The following BBX variants were observed in gnomAD, a reference collection of about 807,000 sequenced individuals.
BBX encodes HMG box transcription factor BBX.
A neutral mutation model predicts 100.2 loss-of-function variants in BBX; 30 were observed. The observed-to-expected ratio is 0.30, with a 90% CI of 0.22 to 0.41. The LOEUF is 0.41. Among genes scored for constraint, BBX ranks in the 10% least tolerant of loss-of-function variants. The probability of loss-of-function intolerance (pLI) is 1.00; values close to 1 mark genes in which losing one functional copy is unlikely to be tolerated. For missense variants in BBX, 1,023 were observed against 1,129.8 expected (o/e 0.91, Z 1.35); for synonymous variants, 376 against 388.1 (o/e 0.97, Z 0.37).
chr3:107,615,398 G>A (rs567063632), intron 2 of BBX, among the ~76,000 whole-genome samples: 1 of 152,204 alleles, frequency 6.6e-6, no homozygotes, highest in South Asian at 2.1e-4. Context: ...CATACTTCTG[G>A]AGGCTCAGAA....
At chr3:107,781,442 A>G (rs1338673357) in intron 13 of BBX, among the ~76,000 whole-genome samples, 6 of 152,136 alleles carry the variant, frequency 3.9e-5, no homozygotes, top group Non-Finnish European at 7.4e-5. Context: ...GTAAATTCTA[A>G]TCTAACTCAC....
chr3:107,753,432 A>G (rs902394540), intron 9 of BBX, among the ~76,000 whole-genome samples: 29 of 152,206 alleles, frequency 1.9e-4, no homozygotes, highest in African/African-American at 7.0e-4. Flanking sequence ...TCAGGCTTCC[A>G]GCAACCTTGA....
intron 13 of BBX, 126 bp downstream of exon 13, chr3:107,778,645 A>G: frequency 9.2e-7 from 1 of 1,081,324 alleles, no homozygotes; most frequent in South Asian, 1.6e-5. Flanking sequence ...TTAGAATCTT[A>G]GGTTGCTTTC....
rs1331155923 is a variant in BBX, at chr3:107,606,517, C to T, written c.-83-39319C>T. 2.0e-5 allele frequency among the ~76,000 whole-genome samples: 3 copies of T among 152,262 alleles called. No individual in the cohort carries two copies. The East Asian group carries it at 5.8e-4, about 29-fold the overall frequency. On this transcript the variant is annotated intron_variant, in intron 2 of 17. Transcript: ENST00000325805. ...CATAATAATACCATGTGATGCGACA[C>T]TTTTGAAACATCCTTGGTTTCTCTA...
At chr3:107,675,912 C>T (rs113418522) in intron 3 of BBX, among the ~76,000 whole-genome samples, 7 of 152,276 alleles carry the variant, frequency 4.6e-5, no homozygotes, top group African/African-American at 1.4e-4. Flanking sequence ...AAGAGTAGCT[C>T]TTTAAACTAT....
chr3:107,777,532 G>C (rs1032128233), intron 12 of BBX, among the ~76,000 whole-genome samples: 1 of 152,100 alleles, frequency 6.6e-6, no homozygotes, highest in Admixed American at 6.6e-5. Flanking sequence ...TCTTCCATCT[G>C]TCTAGGTTGC....
intron 2 of BBX, chr3:107,638,524 C>A (rs1437857881): frequency 6.6e-6 from 1 of 152,048 alleles, no homozygotes; most frequent in Non-Finnish European, 1.5e-5. Flanking sequence ...AATTAATATA[C>A]CTGGAACAAT....
Position 107,728,814 on chromosome 3 carries a change from C to A in BBX, c.455C>A (p.Thr152Asn). Residue 152 changes from threonine to asparagine, a missense_variant, in exon 6 of 18, where the codon ACC (threonine) becomes AAC (asparagine). Thr to Asn is a moderately conservative substitution (Grantham distance 65). This residue lies in a region of BBX where 229 missense variants were observed against 226.3 expected (regional missense o/e 1.01). Transcript: ENST00000325805. Reference sequence around the variant, plus strand: ...AATCCTGGCTACAAATGGTGTCCTACCACAAACAAGCCTGTGAAATCCCCA... The same window carrying A: ...AATCCTGGCTACAAATGGTGTCCTAACACAAACAAGCCTGTGAAATCCCCA... ...KANPGYKWCP[T>N]TNKPVKSPTP... is the part of the protein sequence containing the mutation. The A allele has an allele frequency of 6.2e-7, 1 of 1,613,806 alleles. No homozygotes were observed. The highest frequency in any genetic ancestry group is 1.1e-5 in the South Asian group (1 of 91,068).
intron 2 of BBX, among the ~76,000 whole-genome samples, chr3:107,607,547 A>G (rs1255574922): frequency 6.6e-6 from 1 of 151,992 alleles, no homozygotes; most frequent in African/African-American, 2.4e-5. Context: ...TGACATATTG[A>G]TTTGCTTTCT....
intron 2 of BBX, among the ~76,000 whole-genome samples, chr3:107,527,760 G>A (rs1282821011): frequency 6.6e-6 from 1 of 152,132 alleles, no homozygotes; most frequent in Non-Finnish European, 1.5e-5. Flanking sequence ...AAATGAGAAG[G>A]TTCTATAAGT....
intron 3 of BBX, among the ~76,000 whole-genome samples, chr3:107,705,029 A>AAG (rs940167443): frequency 1.3e-5 from 2 of 152,172 alleles, no homozygotes; most frequent in Admixed American, 1.3e-4. Flanking sequence ...GACCCCTTGA[A>AAG]AGACTGAAAG....
chr3:107,708,191 A>T (rs2061495512), intron 3 of BBX, among the ~76,000 whole-genome samples: 1 of 152,136 alleles, frequency 6.6e-6, no homozygotes, highest in African/African-American at 2.4e-5. Flanking sequence ...TTCACAAGAA[A>T]TCTTCTCTTA....
chr3:107,693,237 C>T lies in BBX; in HGVS notation c.-9-17215C>T, dbSNP rs144006013. ...ATTTGACAATTTTGGCTTTTGTTGC[C>T]ATTGCTGTTGGTGTTTTAGACATGA... On this transcript the variant is annotated intron_variant, in intron 3 of 17. Transcript: ENST00000325805. Among the ~76,000 whole-genome samples, 164 of 151,802 alleles carry T rather than the reference C, an allele frequency of 1.1e-3. 2 individuals carry two copies. The East Asian group carries it at 0.031, about 28-fold the overall frequency.
chr3:107,585,692 G>GT (rs1393043038), intron 2 of BBX, among the ~76,000 whole-genome samples: 2 of 151,988 alleles, frequency 1.3e-5, no homozygotes, highest in Admixed American at 1.3e-4. Flanking sequence ...TAATGATGCT[G>GT]TATTGGCATA....
intron 7 of BBX, among the ~76,000 whole-genome samples, chr3:107,736,173 C>T (rs2063621301): frequency 6.6e-6 from 1 of 151,920 alleles, no homozygotes; most frequent in African/African-American, 2.4e-5. Flanking sequence ...CTAAGCATGT[C>T]CCTACTGAGA....
chr3:107,603,014 A>C (rs2054168109), intron 2 of BBX, among the ~76,000 whole-genome samples: 1 of 152,146 alleles, frequency 6.6e-6, no homozygotes, highest in Non-Finnish European at 1.5e-5. Context: ...TTCAGGCTGG[A>C]GTGCAGTGGC....
intron 2 of BBX, among the ~76,000 whole-genome samples, chr3:107,616,023 TTTTTTTTTTTTTTTTTTTTG>T: frequency 7.5e-6 from 1 of 133,906 alleles, no homozygotes. Context: ...TTTTTTTTTT[TTTTTTTTTTTTTTTTTTTTG>T]CTGTTGTTGT....
At chr3:107,584,044 A>G (rs1207759771) in intron 2 of BBX, among the ~76,000 whole-genome samples, 1 of 46,096 alleles carries the variant, frequency 2.2e-5, no homozygotes, top group African/African-American at 1.0e-4. Context: ...AATTATATAT[A>G]TTATATATAT....
chr3:107,778,297 A>G (rs2067492500), intron 12 of BBX, 74 bp from the exon 13 acceptor site: 5 of 1,554,304 alleles, frequency 3.2e-6, no homozygotes, highest in South Asian at 1.1e-5. Context: ...AGAATATCCT[A>G]AAATATATTT....
Sources: allele counts gnomAD v4.1 joint callset (sites outside exome capture counted in the v4.1 genomes callset), GRCh38; gene constraint gnomAD v4.1.1; regional missense constraint gnomAD v4.1.1; transcripts MANE v1.5; gene names NCBI Gene and HGNC (gene_info 2026-07-23, HGNC 2026-07-21).